The following DNM3 variants were observed in gnomAD, a reference collection of about 807,000 sequenced individuals.
DNM3 encodes dynamin-3.
DNM3 carries 47 observed loss-of-function variants against 101.6 expected under a neutral mutation model. That is an observed-to-expected ratio of 0.46 (90% confidence interval 0.37 to 0.59). DNM3 has a LOEUF of 0.59. Among genes scored for constraint, DNM3 ranks in the 20% least tolerant of loss-of-function variants. The pLI is 0.00. For synonymous variants in DNM3, 385 were observed against 387.9 expected (o/e 0.99, Z 0.09); for missense variants, 849 against 1,085.7 (o/e 0.78, Z 3.06).
intron 14 of DNM3, among the ~76,000 whole-genome samples, chr1:172,142,533 AT>A (rs975588071): frequency 6.6e-6 from 1 of 152,026 alleles, no homozygotes; most frequent in African/African-American, 2.4e-5. Context: ...TAATTCTTAT[AT>A]TTCTACTCCT....
chr1:172,005,466 G>A (rs539209200), intron 4 of DNM3, among the ~76,000 whole-genome samples: 1 of 152,074 alleles, frequency 6.6e-6, no homozygotes, highest in South Asian at 2.1e-4. Flanking sequence ...CAGCAATGTT[G>A]ACCATTGCAT....
intron 1 of DNM3, among the ~76,000 whole-genome samples, chr1:171,912,540 CA>C (rs1426840173): frequency 1.3e-5 from 2 of 152,176 alleles, no homozygotes; most frequent in African/African-American, 4.8e-5. Context: ...TCCATCTGCA[CA>C]ATTACCTTGT....
At chr1:172,372,421 A>G (rs961868205) in intron 17 of DNM3, among the ~76,000 whole-genome samples, 22 of 151,870 alleles carry the variant, frequency 1.4e-4, no homozygotes, top group Non-Finnish European at 2.8e-4. Context: ...ATTTATTTTT[A>G]ATTCATCTTT....
At chr1:172,103,008 C>T (rs1373882136) in intron 13 of DNM3, among the ~76,000 whole-genome samples, 1 of 152,090 alleles carries the variant, frequency 6.6e-6, no homozygotes, top group Non-Finnish European at 1.5e-5. Context: ...ATCCAAAGTA[C>T]ATAATTTTGA....
chr1:172,355,193 T>C (rs1011574868), intron 17 of DNM3, among the ~76,000 whole-genome samples: 4 of 152,022 alleles, frequency 2.6e-5, no homozygotes, highest in African/African-American at 9.7e-5. Context: ...AAATCAGATC[T>C]AATAGAAGCC....
intron 4 of DNM3, among the ~76,000 whole-genome samples, chr1:171,995,656 G>A (rs1198392707): frequency 4.6e-5 from 7 of 152,118 alleles, no homozygotes; most frequent in Non-Finnish European, 5.9e-5. Flanking sequence ...GGGATGGTGA[G>A]GGCAATCTGG....
intron 2 of DNM3, among the ~76,000 whole-genome samples, chr1:171,932,498 A>T (rs2041107329): frequency 6.6e-6 from 1 of 151,938 alleles, no homozygotes; most frequent in African/African-American, 2.4e-5. Flanking sequence ...TTAGTAAAAA[A>T]ATTTTTCCCT....
At position 172,010,685 on chromosome 1, in the gene DNM3, TG is replaced by T. The variant is rs1464676867; in HGVS notation, c.589+21538del. On this transcript the variant is annotated intron_variant, in intron 4 of 20. Coordinates refer to ENST00000627582, the MANE Select transcript of DNM3 (RefSeq NM_015569.5). ...TTATGGTGTGCCTTGGTATGTTTTGTGTGTGTGTGTGTGTGTGTGTGTGTGT... is the reference window on the plus strand; with the variant it reads ...TTATGGTGTGCCTTGGTATGTTTTGTTGTGTGTGTGTGTGTGTGTGTGTGT... Among the ~76,000 whole-genome samples, 25 of 9,420 alleles carry T rather than the reference TG, an allele frequency of 2.7e-3. No homozygotes were observed. In the African/African-American group the frequency reaches 0.029, roughly 11 times the overall value. The allele number at this position is 9,420 out of a possible 152,430, so 6.2% of individuals were successfully genotyped here. A position where few individuals can be genotyped will look rare whatever the true frequency, so the allele number is the denominator to read the frequency against.
At chr1:172,297,317 A>T (rs537604475) in intron 15 of DNM3, among the ~76,000 whole-genome samples, 43 of 151,778 alleles carry the variant, frequency 2.8e-4, no homozygotes, top group African/African-American at 9.9e-4. Context: ...TAATATTTTA[A>T]TTTTTTCAAC....
chr1:172,094,495 G>C (rs1373108321), intron 13 of DNM3, among the ~76,000 whole-genome samples: 1 of 152,118 alleles, frequency 6.6e-6, no homozygotes, highest in Non-Finnish European at 1.5e-5. Context: ...GACATTCCTG[G>C]GTTCAAATTC....
At chr1:172,250,659 C>T (rs191683851) in intron 14 of DNM3, among the ~76,000 whole-genome samples, 3 of 152,020 alleles carry the variant, frequency 2.0e-5, no homozygotes, top group Admixed American at 6.6e-5. Flanking sequence ...TCTTCAAACA[C>T]GATGTGACAA....
chr1:172,180,533 C>A (rs541086778), intron 14 of DNM3, among the ~76,000 whole-genome samples: 46 of 152,222 alleles, frequency 3.0e-4, no homozygotes, highest in African/African-American at 1.1e-3. Context: ...TAAGAGCTTA[C>A]TGCTAGAATA....
At chr1:172,376,920 A>G (rs1448914317) in intron 17 of DNM3, among the ~76,000 whole-genome samples, 4 of 152,072 alleles carry the variant, frequency 2.6e-5, no homozygotes, top group Non-Finnish European at 4.4e-5. Flanking sequence ...TTATTTTGAT[A>G]TGCAAAAAAG....
At chr1:171,938,330 C>G (rs1486095494) in intron 2 of DNM3, among the ~76,000 whole-genome samples, 1 of 152,094 alleles carries the variant, frequency 6.6e-6, no homozygotes, top group South Asian at 2.1e-4. Flanking sequence ...AACTATCCTA[C>G]TGAAATCCCT....
rs923603207 is a variant in DNM3, at chr1:171,917,747, A to G, written c.162-4001A>G. On this transcript the variant is annotated intron_variant, in intron 1 of 20. Coordinates refer to ENST00000627582, the MANE Select transcript of DNM3 (RefSeq NM_015569.5). ...ATTTTGCAGGAAAAATGGCATACAT[A>G]TTTTCTTTTTATATAGATATATTAG... Among the ~76,000 whole-genome samples, 16 of 152,158 alleles carry G rather than the reference A, an allele frequency of 1.1e-4. 1 individual carries two copies. The highest frequency in any genetic ancestry group is 3.6e-4 in the African/African-American group (15 of 41,430).
chr1:172,010,720 G>C, intron 4 of DNM3, among the ~76,000 whole-genome samples: 1 of 132,400 alleles, frequency 7.6e-6, no homozygotes. Flanking sequence ...GTGTGTGTGT[G>C]TGTAGCTGAT....
intron 14 of DNM3, among the ~76,000 whole-genome samples, chr1:172,228,436 G>A (rs2061217043): frequency 1.3e-5 from 2 of 152,172 alleles, no homozygotes; most frequent in South Asian, 4.1e-4. Flanking sequence ...TGACCTGCCA[G>A]TGGACTTTTA....
intron 15 of DNM3, among the ~76,000 whole-genome samples, chr1:172,299,955 T>C (rs530822897): frequency 6.6e-5 from 10 of 152,294 alleles, no homozygotes; most frequent in African/African-American, 1.9e-4. Context: ...CTTTGAGAAA[T>C]CTACAGACTG....
At chr1:172,047,177 G>C (rs1019210130) in intron 9 of DNM3, among the ~76,000 whole-genome samples, 1 of 152,098 alleles carries the variant, frequency 6.6e-6, no homozygotes, top group Non-Finnish European at 1.5e-5. Context: ...TGCCCATGAA[G>C]GACTTGATGG....
Sources: gnomAD v4.1 joint callset for allele counts (sites outside exome capture counted in the v4.1 genomes callset) on GRCh38, gnomAD v4.1.1 for gene constraint, MANE v1.5 for transcripts, NCBI Gene and HGNC (gene_info 2026-07-23, HGNC 2026-07-21) for gene names.